Variants in MYT1 observed in about 807,000 individuals in gnomAD.
MYT1 encodes the protein myelin transcription factor I.
Under a neutral mutation model 123.0 loss-of-function variants are expected in MYT1, and 23 were observed. The observed-to-expected ratio is 0.19, with a 90% CI of 0.13 to 0.26. The LOEUF is 0.26. MYT1 is among the 10% of genes least tolerant of loss of function. The pLI is 1.00. For synonymous variants in MYT1, 518 were observed against 575.3 expected, an observed-to-expected ratio of 0.90 and a Z score of 1.43; for missense variants, 1,125 against 1,472.5, an observed-to-expected ratio of 0.76 and a Z score of 3.86.
At chr20:64,234,217 G>C (rs1298573451) in intron 19 of MYT1, among the ~76,000 whole-genome samples, 1 of 152,166 alleles carries the variant, frequency 6.6e-6, no homozygotes, top group Non-Finnish European at 1.5e-5. Context: ...TTCTGCTTGA[G>C]TGTCTATATC....
Position 64,223,342 on chromosome 20 carries a change from C to G in MYT1, c.2511C>G (p.Ala837=). Residue 837 remains alanine, a synonymous_variant, in exon 16 of 23, where the codon GCC becomes GCG. Coordinates refer to ENST00000328439, the MANE Select transcript of MYT1 (RefSeq NM_004535.3). ...AGAGCCTCAGAAACCTCATGGCTGC[C>G]CACTCTGCTGACCTCAAGTATGTTT... ...ADKSLRNLMA[A]HSADLKCPTP... The G allele has an allele frequency of 6.2e-7, 1 of 1,614,110 alleles. No individual in the cohort carries two copies. The highest frequency in any genetic ancestry group is 8.5e-7 in the Non-Finnish European group (1 of 1,180,006).
rs1983727437 is a variant in MYT1, at chr20:64,212,965, G to T, written c.1518-569G>T. ...CCCCATTACGTCACCTCCCTGGGCT[G>T]GCTGAGGGACTGGCGCTGGAGCTCA... On this transcript the variant is annotated intron_variant, in intron 9 of 22. Coordinates refer to ENST00000328439, the MANE Select transcript of MYT1 (RefSeq NM_004535.3). The surrounding 1 kb of genome is among the most constrained non-coding windows in gnomAD (Gnocchi z 6.8). Among the ~76,000 whole-genome samples the T allele has an allele frequency of 6.6e-6, 1 of 152,208 alleles. No individual in the cohort carries two copies. The highest frequency in any genetic ancestry group is 1.5e-5 in the Non-Finnish European group (1 of 68,024).
chr20:64,195,685 C>T lies in MYT1; in HGVS notation c.1-3177C>T, dbSNP rs148101582. ...TGCTGGGATTACAGACGTGAGCCAC[C>T]GTGCCCAGCCAGAACCATGTATATT... On this transcript the variant is annotated intron_variant, in intron 2 of 22. Coordinates refer to ENST00000328439, the MANE Select transcript of MYT1 (RefSeq NM_004535.3). 3.7e-3 allele frequency among the ~76,000 whole-genome samples: 562 copies of T among 152,194 alleles called. 3 individuals carry two copies. Among genetic ancestry groups the T allele is most frequent in the African/African-American group, 0.013 (536 of 41,524 alleles).
chr20:64,221,809 G>T, intron 13 of MYT1, 84 bp from the exon 14 acceptor site: 1 of 1,422,654 alleles, frequency 7.0e-7, no homozygotes, highest in East Asian at 2.4e-5. Flanking sequence ...CTGTCCTGAA[G>T]GGTCCCTCTC....
intron 1 of MYT1, among the ~76,000 whole-genome samples, chr20:64,170,655 A>T (rs1982224514): frequency 6.7e-6 from 1 of 149,108 alleles, no homozygotes; most frequent in Non-Finnish European, 1.5e-5. Flanking sequence ...TCTTACAGTC[A>T]TTTTTTTTTA....
At chr20:64,209,433 A>G (rs779445620) in intron 7 of MYT1, among the ~76,000 whole-genome samples, 5 of 152,142 alleles carry the variant, frequency 3.3e-5, no homozygotes, top group Non-Finnish European at 5.9e-5. Context: ...CTTGGCCTCT[A>G]TTCTCCTAAG....
In MYT1 at chr20:64,240,401, G is replaced by A. The variant is rs759492757; in HGVS notation, c.3319G>A (p.Asp1107Asn). ...MYSNQDPENK[D>N]LLESIKQAVR... ...CTCCAACCAGGACCCGGAGAACAAG[G>A]ACCTCCTGGAGAGCATCAAGCAGGC... Residue 1107 changes from aspartate to asparagine, a missense_variant, in exon 23 of 23, where the codon GAC (aspartate) becomes AAC (asparagine). Physicochemically the swap from Asp to Asn is conservative, Grantham distance 23. Around this residue, in one of 4 missense-constraint regions of MYT1, gnomAD observed 243 missense variants for 323.1 expected, o/e 0.75. Transcript: ENST00000328439. The A allele has an allele frequency of 4.3e-6, 7 of 1,613,940 alleles. No homozygotes were observed. The East Asian group carries it at 1.6e-4, about 36-fold the overall frequency.
rs545117714 is a variant in MYT1, at chr20:64,185,800, G to A, written c.-98-4263G>A. 1.5e-3 allele frequency among the ~76,000 whole-genome samples: 230 copies of A among 152,346 alleles called. No homozygotes were observed. Among genetic ancestry groups the A allele is most frequent in the Non-Finnish European group, 2.7e-3 (183 of 68,032 alleles). On this transcript the variant is annotated intron_variant, in intron 1 of 22. Coordinates refer to ENST00000328439, the MANE Select transcript of MYT1 (RefSeq NM_004535.3). The surrounding 1 kb of genome is among the most constrained non-coding windows in gnomAD (Gnocchi z 4.5). ...AGTGTGTGCTGGCAGTGGGTCAGCC[G>A]GCAGCTGGGGTGTTAGCTCTGGGAC...
chr20:64,198,869 T>C lies in MYT1; in HGVS notation c.8T>C (p.Leu3Ser). The change falls in exon 3 of 23, where the codon TTA (leucine) becomes TCA (serine). Residue 3 changes from leucine to serine, a missense_variant. By Grantham distance (145) the Leu-to-Ser change is moderately radical. This residue lies in a region of MYT1 where 406 missense variants were observed against 432.2 expected (regional missense o/e 0.94). Coordinates refer to ENST00000328439, the MANE Select transcript of MYT1 (RefSeq NM_004535.3). MS[L>S]ENEDKRARTR... The stretch of plus-strand genomic sequence containing the variant: ...GTGGTTTTTTGCTTGCAGATGAGCT[T>C]AGAAAATGAAGACAAGCGAGCTCGC... The C allele has an allele frequency of 6.2e-7, 1 of 1,614,130 alleles. No homozygotes were observed.
At chr20:64,205,243 C>G in intron 5 of MYT1, 146 bp downstream of exon 5, 1 of 1,018,432 alleles carries the variant, frequency 9.8e-7, no homozygotes, top group Non-Finnish European at 1.5e-6. Flanking sequence ...ACCTCCCACT[C>G]TAGCGTGGAG....
rs1984737850 is a variant in MYT1 at position 64,242,243 on chromosome 20, C to T, written c.*1795C>T. On this transcript the variant is annotated 3_prime_UTR_variant, in exon 23 of 23. Coordinates refer to ENST00000328439, the MANE Select transcript of MYT1 (RefSeq NM_004535.3). ...GGTGATTTCCTAATAAAAGTCCACT[C>T]TGACTGTGAATCGGTGCTGTGGTCT... 2 of 152,628 alleles carry T rather than the reference C, an allele frequency of 1.3e-5. No individual in the cohort carries two copies. The highest frequency in any genetic ancestry group is 4.8e-5 in the African/African-American group (2 of 41,440). The allele number at this position is 152,628 out of a possible 1,614,324, so 9.5% of individuals were successfully genotyped here. A position where few individuals can be genotyped will look rare whatever the true frequency, so the allele number is the denominator to read the frequency against.
rs1983112444 is a variant in MYT1 at position 64,196,158 on chromosome 20, A to T, written c.1-2704A>T. Among the ~76,000 whole-genome samples, 1 of 152,176 alleles carries T rather than the reference A, an allele frequency of 6.6e-6. No individual in the cohort carries two copies. Among genetic ancestry groups the T allele is most frequent in the African/African-American group, 2.4e-5 (1 of 41,450 alleles). Reference sequence around the variant, plus strand: ...GACCTGGTTGGCTTGTGTTTGGAACAAGTAAAGTGTGTTTTAAAAATCAAT... The same window carrying T: ...GACCTGGTTGGCTTGTGTTTGGAACTAGTAAAGTGTGTTTTAAAAATCAAT... On this transcript the variant is annotated intron_variant, in intron 2 of 22. Transcript: ENST00000328439. This position sits in a 1 kb window ranked among gnomAD's most constrained non-coding sequence, Gnocchi z 4.3.
rs1490836464 is a variant in MYT1, at chr20:64,231,383, C to G, written c.2676-781C>G. ...ATGGGCCTGGGCCCTCTGCGCTGTCCTGTTTGTCTCTGACCCACACTGAGC... is the reference window on the plus strand; with the variant it reads ...ATGGGCCTGGGCCCTCTGCGCTGTCGTGTTTGTCTCTGACCCACACTGAGC... On this transcript the variant is annotated intron_variant, in intron 18 of 22. Transcript: ENST00000328439. The surrounding 1 kb of genome is among the most constrained non-coding windows in gnomAD (Gnocchi z 6.4). Among the ~76,000 whole-genome samples the G allele has an allele frequency of 6.6e-6, 1 of 152,210 alleles. No individual in the cohort carries two copies. The highest frequency in any genetic ancestry group is 2.4e-5 in the African/African-American group (1 of 41,464).
intron 2 of MYT1, among the ~76,000 whole-genome samples, chr20:64,198,131 CA>C (rs1005269501): frequency 2.6e-5 from 4 of 151,644 alleles, no homozygotes; most frequent in African/African-American, 9.7e-5. Flanking sequence ...TAAAAAAATA[CA>C]AAAAATTAGC....
Position 64,231,066 on chromosome 20 carries a change from C to T in MYT1, c.2676-1098C>T, listed in dbSNP as rs535853141. On this transcript the variant is annotated intron_variant, in intron 18 of 22. Coordinates refer to ENST00000328439, the MANE Select transcript of MYT1 (RefSeq NM_004535.3). This position sits in a 1 kb window ranked among gnomAD's most constrained non-coding sequence, Gnocchi z 6.4. ...CCCCCGCCCCCTGCTACCGTCCTCC[C>T]GAGCGCTTCCTGCGCTGACAGTGAC... 1.3e-5 allele frequency among the ~76,000 whole-genome samples: 2 copies of T among 151,698 alleles called. No homozygotes were observed. Among genetic ancestry groups the T allele is most frequent in the South Asian group, 2.1e-4 (1 of 4,736 alleles).
At position 64,240,343 on chromosome 20, in the gene MYT1, C is replaced by T. The variant is rs202178083; in HGVS notation, c.3261C>T (p.Phe1087=). Residue 1087 remains phenylalanine, a synonymous_variant, in exon 23 of 23, where the codon TTC becomes TTT. Coordinates refer to ENST00000328439, the MANE Select transcript of MYT1 (RefSeq NM_004535.3). Reference sequence around the variant, plus strand: ...AGGAGCCAATATGCGAACAGAATTTCGATGCCTATGTGAGCACCCTCACCG... The same window carrying T: ...AGGAGCCAATATGCGAACAGAATTTTGATGCCTATGTGAGCACCCTCACCG... ...PHMEPICEQN[F]DAYVSTLTDM... 2.3e-5 allele frequency: 37 copies of T among 1,613,930 alleles called. No homozygotes were observed. The highest frequency in any genetic ancestry group is 3.3e-4 in the Middle Eastern group (2 of 6,076).
intron 1 of MYT1, among the ~76,000 whole-genome samples, chr20:64,180,142 C>T (rs901805843): frequency 2.4e-4 from 36 of 151,034 alleles, no homozygotes; most frequent in East Asian, 7.8e-4. Flanking sequence ...GCTACACACA[C>T]GCTACACACA....
Position 64,207,641 on chromosome 20 carries a change from G to A in MYT1, c.445G>A (p.Ala149Thr), listed in dbSNP as rs546737046. The change falls in exon 7 of 23, where the codon GCC becomes ACC. Residue 149 changes from alanine (A) to threonine (T), a missense_variant. By Grantham distance (58) the Ala-to-Thr change is moderately conservative. Around this residue, in one of 4 missense-constraint regions of MYT1, gnomAD observed 406 missense variants for 432.2 expected, o/e 0.94. Transcript: ENST00000328439. ...TTTTGGATCCAACCCCATCGGCAGC[G>A]CCACTGCCTCCTCCAAGGGCAGCTA... ...SHFGSNPIGSATASSKGSYSS... is the reference protein window; with the variant it reads ...SHFGSNPIGSTTASSKGSYSS... The A allele has an allele frequency of 1.6e-4, 258 of 1,613,810 alleles. 3 individuals are homozygous for A. The South Asian group carries it at 2.3e-3, about 14-fold the overall frequency.
chr20:64,199,297 G>T (rs1317500109), intron 3 of MYT1, among the ~76,000 whole-genome samples: 2 of 152,228 alleles, frequency 1.3e-5, no homozygotes, highest in Non-Finnish European at 2.9e-5. Context: ...GTTGGGTTGA[G>T]CTGGAAGTGC....
Sources: allele counts gnomAD v4.1 joint callset (sites outside exome capture counted in the v4.1 genomes callset), GRCh38; gene constraint gnomAD v4.1.1; regional missense constraint gnomAD v4.1.1; non-coding constraint Gnocchi (gnomAD v3.1); transcripts MANE v1.5; gene names NCBI Gene and HGNC (gene_info 2026-07-23, HGNC 2026-07-21).